The following CACNA2D3 variants were observed in gnomAD, a reference collection of about 807,000 sequenced individuals.
The protein encoded by CACNA2D3 is voltage-dependent calcium channel subunit alpha-2/delta-3.
Under a neutral mutation model 160.6 loss-of-function variants are expected in CACNA2D3, and 60 were observed. That is an observed-to-expected ratio of 0.37 (90% CI 0.30 to 0.46). CACNA2D3 has a LOEUF of 0.46. Among genes scored for constraint, CACNA2D3 ranks in the 20% least tolerant of loss-of-function variants. The pLI, the probability that CACNA2D3 is intolerant of heterozygous loss-of-function variation, is 1.00. For synonymous variants in CACNA2D3, 558 were observed against 492.9 expected (o/e 1.13, Z -1.75); for missense variants, 1,205 against 1,365.0 (o/e 0.88, Z 1.85).
At chr3:54,463,621 A>G (rs1397015868) in intron 4 of CACNA2D3, among the ~76,000 whole-genome samples, 2 of 152,160 alleles carry the variant, frequency 1.3e-5, no homozygotes, top group African/African-American at 2.4e-5. Context: ...TTTCAGCTCC[A>G]TCAGCTCCTT....
At position 54,756,213 on chromosome 3, in the gene CACNA2D3, C is replaced by T. The variant is rs539723607; in HGVS notation, c.1246+3536C>T. Reference sequence around the variant, plus strand: ...TTCCTGTCTACATCCAGTTATTTCCCTTCCTACCAGAGTCAGCCCTTCTTG... The same window carrying T: ...TTCCTGTCTACATCCAGTTATTTCCTTTCCTACCAGAGTCAGCCCTTCTTG... On this transcript the variant is annotated intron_variant, in intron 12 of 37. Coordinates refer to ENST00000474759, the MANE Select transcript of CACNA2D3 (RefSeq NM_018398.3). 5.9e-5 allele frequency among the ~76,000 whole-genome samples: 9 copies of T among 152,240 alleles called. No homozygotes were observed. The East Asian group carries it at 1.7e-3, about 29-fold the overall frequency.
At chr3:54,132,665 A>C (rs181064408) in intron 2 of CACNA2D3, among the ~76,000 whole-genome samples, 2 of 152,372 alleles carry the variant, frequency 1.3e-5, no homozygotes, top group East Asian at 3.9e-4. Context: ...ATGATAGGAA[A>C]AAAATATGTA....
At chr3:54,784,119 G>A (rs1702586219) in intron 13 of CACNA2D3, among the ~76,000 whole-genome samples, 1 of 152,210 alleles carries the variant, frequency 6.6e-6, no homozygotes, top group Non-Finnish European at 1.5e-5. Context: ...CCACTGTGAA[G>A]GGTAGTCAGG....
intron 24 of CACNA2D3, among the ~76,000 whole-genome samples, chr3:54,889,364 G>T (rs931750102): frequency 6.6e-6 from 1 of 152,202 alleles, no homozygotes; most frequent in Non-Finnish European, 1.5e-5. Flanking sequence ...GTAAAGGTTC[G>T]TACAGTTTTC....
chr3:54,574,216 C>T (rs183814138), intron 8 of CACNA2D3, among the ~76,000 whole-genome samples: 4 of 152,202 alleles, frequency 2.6e-5, no homozygotes, highest in East Asian at 3.9e-4. Context: ...TTTTCAGTGC[C>T]GGAAGCCCTC....
intron 31 of CACNA2D3, among the ~76,000 whole-genome samples, chr3:54,998,832 C>T (rs1192671479): frequency 2.6e-5 from 4 of 152,060 alleles, no homozygotes; most frequent in Non-Finnish European, 4.4e-5. Flanking sequence ...CTGAAAGCTC[C>T]GTCTCCAGGG....
intron 11 of CACNA2D3, among the ~76,000 whole-genome samples, chr3:54,655,905 G>GT (rs1259512367): frequency 2.0e-5 from 3 of 152,176 alleles, no homozygotes; most frequent in African/African-American, 7.2e-5. Flanking sequence ...AGGCTTTACT[G>GT]TTTCTGATCT....
intron 2 of CACNA2D3, among the ~76,000 whole-genome samples, chr3:54,129,742 C>T (rs1699669997): frequency 6.6e-6 from 1 of 152,138 alleles, no homozygotes; most frequent in African/African-American, 2.4e-5. Flanking sequence ...CAAAACAGAC[C>T]TCGAGTTTTC....
At chr3:54,591,505 C>CATGA (rs1702858084) in intron 9 of CACNA2D3, among the ~76,000 whole-genome samples, 1 of 148,824 alleles carries the variant, frequency 6.7e-6, no homozygotes, top group Non-Finnish European at 1.5e-5. Flanking sequence ...TCCATAGAAG[C>CATGA]ATGAATGAAT....
chr3:54,228,575 G>T (rs1014083794), intron 2 of CACNA2D3, among the ~76,000 whole-genome samples: 3 of 152,216 alleles, frequency 2.0e-5, no homozygotes, highest in African/African-American at 7.2e-5. Context: ...GGGGATTCTA[G>T]TCTTTTATTT....
At chr3:54,554,207 C>A (rs1702204114) in intron 5 of CACNA2D3, among the ~76,000 whole-genome samples, 1 of 152,098 alleles carries the variant, frequency 6.6e-6, no homozygotes, top group African/African-American at 2.4e-5. Flanking sequence ...TGGGTAAACC[C>A]CCTCCCCACT....
At chr3:54,646,224 T>C (rs1183272349) in intron 11 of CACNA2D3, among the ~76,000 whole-genome samples, 2 of 125,450 alleles carry the variant, frequency 1.6e-5, no homozygotes, top group African/African-American at 5.9e-5. Flanking sequence ...CCTTCCTTCC[T>C]TCCTTCCTTC....
chr3:54,462,731 T>C (rs1421583805), intron 4 of CACNA2D3, among the ~76,000 whole-genome samples: 2 of 152,214 alleles, frequency 1.3e-5, no homozygotes, highest in Non-Finnish European at 2.9e-5. Flanking sequence ...CTTTATCCAA[T>C]TTGCCAGTCT....
intron 27 of CACNA2D3, among the ~76,000 whole-genome samples, chr3:54,936,905 C>T (rs1208977383): frequency 6.6e-6 from 1 of 152,112 alleles, no homozygotes; most frequent in Non-Finnish European, 1.5e-5. Context: ...AGAAAATAAA[C>T]TCCGTGTATG....
At chr3:54,403,909 T>C (rs1347252381) in intron 4 of CACNA2D3, among the ~76,000 whole-genome samples, 1 of 152,152 alleles carries the variant, frequency 6.6e-6, no homozygotes, top group African/African-American at 2.4e-5. Context: ...ATAAATTCTT[T>C]CTAAAACCAA....
At chr3:54,607,677 A>T (rs1698664307) in intron 9 of CACNA2D3, among the ~76,000 whole-genome samples, 1 of 152,222 alleles carries the variant, frequency 6.6e-6, no homozygotes, top group Non-Finnish European at 1.5e-5. Context: ...ATAAATTTAA[A>T]CATATGGATA....
chr3:54,542,968 G>A (rs777631587), intron 5 of CACNA2D3, among the ~76,000 whole-genome samples: 15 of 152,314 alleles, frequency 9.8e-5, no homozygotes, highest in Non-Finnish European at 1.3e-4. Flanking sequence ...GGTCATATTC[G>A]TTGGAATTAC....
In CACNA2D3 at chr3:54,876,573, A is replaced by C. The variant is rs958737617; in HGVS notation, c.1711-2445A>C. ...CTCAGAAATAATATATGATTTTTATATTAATGCTATAAAGTATTTAATGTT... is the reference window on the plus strand; with the variant it reads ...CTCAGAAATAATATATGATTTTTATCTTAATGCTATAAAGTATTTAATGTT... On this transcript the variant is annotated intron_variant, in intron 18 of 37. Transcript: ENST00000474759. Among the ~76,000 whole-genome samples the C allele has an allele frequency of 3.3e-5, 5 of 152,254 alleles. No homozygotes were observed. The South Asian group carries it at 1.0e-3, about 31-fold the overall frequency.
At chr3:54,590,105 A>C (rs532449738) in intron 9 of CACNA2D3, among the ~76,000 whole-genome samples, 40 of 152,316 alleles carry the variant, frequency 2.6e-4, no homozygotes, top group Non-Finnish European at 4.7e-4. Context: ...CCATACAGAA[A>C]TGTTCATAGC....
Sources: allele counts gnomAD v4.1 joint callset (sites outside exome capture counted in the v4.1 genomes callset), GRCh38; gene constraint gnomAD v4.1.1; transcripts MANE v1.5; gene names NCBI Gene and HGNC (gene_info 2026-07-23, HGNC 2026-07-21).